KAZN: variants seen among roughly 807,000 people sequenced by gnomAD.
KAZN encodes the protein kazrin, periplakin interacting protein.
Under a neutral mutation model 87.4 loss-of-function variants are expected in KAZN, and 40 were observed. The ratio of observed to expected loss-of-function variants is 0.46; its 90% CI spans 0.36 to 0.60. The LOEUF is 0.60. Among genes scored for constraint, KAZN ranks in the 20% least tolerant of loss-of-function variants. The pLI is 0.00. For synonymous variants in KAZN, 466 were observed against 458.3 expected, an observed-to-expected ratio of 1.02 and a Z score of -0.22; for missense variants, 898 against 1,073.9, an observed-to-expected ratio of 0.84 and a Z score of 2.29.
intron 2 of KAZN, among the ~76,000 whole-genome samples, chr1:14,568,568 G>T (rs1674675846): frequency 6.6e-6 from 1 of 152,128 alleles, no homozygotes; most frequent in Non-Finnish European, 1.5e-5. Context: ...TCACTATCAT[G>T]AGAACAGCAC....
intron 1 of KAZN, among the ~76,000 whole-genome samples, chr1:14,624,424 G>GAA (rs374913141): frequency 1.5e-5 from 2 of 137,908 alleles, no homozygotes; most frequent in African/African-American, 5.3e-5. Context: ...TCCGTCTCAA[G>GAA]AAAAAAAAAA....
At chr1:14,865,985 C>A (rs1651408508) in intron 1 of KAZN, among the ~76,000 whole-genome samples, 1 of 152,150 alleles carries the variant, frequency 6.6e-6, no homozygotes, top group South Asian at 2.1e-4. Context: ...CTGCCGACAC[C>A]TCGATCCCAG....
intron 2 of KAZN, among the ~76,000 whole-genome samples, chr1:14,404,995 TTTATG>T (rs1663711952): frequency 6.6e-6 from 1 of 152,340 alleles, no homozygotes; most frequent in East Asian, 1.9e-4. Flanking sequence ...TTGTGCATTC[TTTATG>T]TTTTCTACAT....
Position 14,178,854 on chromosome 1 carries a change from C to A in KAZN, c.92-1581C>A, listed in dbSNP as rs77375934. ...TTTTAGTTACTTGCAGATCAGTTCA[C>A]CTCTTTCATGGCTTACTTTTAAGCT... On this transcript the variant is annotated intron_variant, in intron 1 of 16. Transcript: ENST00000636203. Among the ~76,000 whole-genome samples, 1,071 of 152,210 alleles carry A rather than the reference C, an allele frequency of 7.0e-3. 16 individuals carry two copies. Among genetic ancestry groups the A allele is most frequent in the African/African-American group, 0.024 (1,016 of 41,534 alleles).
intron 2 of KAZN, among the ~76,000 whole-genome samples, chr1:14,290,793 G>C (rs909266182): frequency 1.6e-4 from 25 of 152,284 alleles, no homozygotes; most frequent in Admixed American, 1.6e-3. Flanking sequence ...TTTCTGCTCT[G>C]GTTTCTCCCC....
chr1:13,984,711 T>G (rs1055251923), intron 1 of KAZN, among the ~76,000 whole-genome samples: 2 of 152,230 alleles, frequency 1.3e-5, no homozygotes, highest in Non-Finnish European at 2.9e-5. Flanking sequence ...GAGTTTGTCT[T>G]ATTTATATGT....
At chr1:14,649,855 A>G (rs1028683353) in intron 1 of KAZN, among the ~76,000 whole-genome samples, 6 of 152,112 alleles carry the variant, frequency 3.9e-5, no homozygotes, top group African/African-American at 1.4e-4. Flanking sequence ...TTTTTTATTT[A>G]TACTTTGTAA....
At chr1:14,749,297 C>G (rs1283960606) in intron 1 of KAZN, among the ~76,000 whole-genome samples, 2 of 152,170 alleles carry the variant, frequency 1.3e-5, no homozygotes, top group Non-Finnish European at 1.5e-5. Context: ...GTGGAAATCT[C>G]AATTCTGTTA....
At chr1:14,361,742 T>C (rs1659531899) in intron 2 of KAZN, among the ~76,000 whole-genome samples, 1 of 152,248 alleles carries the variant, frequency 6.6e-6, no homozygotes, top group African/African-American at 2.4e-5. Flanking sequence ...CCCAATAAGA[T>C]GAGCCAGGTA....
At chr1:14,210,209 A>T (rs1646826243) in intron 2 of KAZN, among the ~76,000 whole-genome samples, 2 of 152,052 alleles carry the variant, frequency 1.3e-5, no homozygotes, top group African/African-American at 4.8e-5. Context: ...TGTTCTTGTG[A>T]TGGTGAATAA....
chr1:14,706,088 G>A (rs932530713), intron 1 of KAZN, among the ~76,000 whole-genome samples: 5 of 152,282 alleles, frequency 3.3e-5, no homozygotes, highest in African/African-American at 1.2e-4. Flanking sequence ...CTTGTGAACT[G>A]TGCATGCAAG....
At chr1:14,288,305 G>C (rs1233620100) in intron 2 of KAZN, among the ~76,000 whole-genome samples, 1 of 152,098 alleles carries the variant, frequency 6.6e-6, no homozygotes, top group Non-Finnish European at 1.5e-5. Context: ...TATCCATCTG[G>C]TCCTGGACTT....
At chr1:14,228,749 G>A (rs1647526903) in intron 2 of KAZN, among the ~76,000 whole-genome samples, 1 of 152,210 alleles carries the variant, frequency 6.6e-6, no homozygotes, top group Non-Finnish European at 1.5e-5. Context: ...AGAAGGTGGA[G>A]CCTAGAAACA....
At chr1:14,832,895 C>T (rs1359703114) in intron 1 of KAZN, among the ~76,000 whole-genome samples, 1 of 152,182 alleles carries the variant, frequency 6.6e-6, no homozygotes, top group Admixed American at 6.5e-5. Context: ...GGAACCCAAG[C>T]GTGCTCATTC....
intron 1 of KAZN, among the ~76,000 whole-genome samples, chr1:14,169,011 G>A (rs753314435): frequency 7.9e-5 from 12 of 152,188 alleles, no homozygotes; most frequent in Non-Finnish European, 1.0e-4. Flanking sequence ...AAATAGCAGA[G>A]TTCATCTGTA....
intron 1 of KAZN, among the ~76,000 whole-genome samples, chr1:14,631,726 G>A (rs1375050948): frequency 6.6e-6 from 1 of 152,244 alleles, no homozygotes; most frequent in African/African-American, 2.4e-5. Flanking sequence ...CAGCTGCTGG[G>A]ATTTTTCCCA....
chr1:14,883,318 A>AGAGAGAGAGAGAGAGAGAGAGAGAG (rs1653557416), intron 1 of KAZN, among the ~76,000 whole-genome samples: 1 of 38,592 alleles, frequency 2.6e-5, no homozygotes, highest in Non-Finnish European at 5.4e-5. Flanking sequence ...GAAAGAAAGA[A>AGAGAGAGAGAGAGAGAGAGAGAGAG]AGAGAGAGAG....
At chr1:15,050,218 T>TAGAATAGAAC (rs1557757285) in intron 4 of KAZN, among the ~76,000 whole-genome samples, 5 of 147,882 alleles carry the variant, frequency 3.4e-5, no homozygotes, top group Admixed American at 1.4e-4. Context: ...TAGAATAGAA[T>TAGAATAGAAC]AGAACCTTCC....
chr1:14,855,374 A>G (rs1380686655), intron 1 of KAZN, among the ~76,000 whole-genome samples: 1 of 152,088 alleles, frequency 6.6e-6, no homozygotes, highest in African/African-American at 2.4e-5. Flanking sequence ...GCCTTTTGTC[A>G]TTTTTTTGTT....
Sources: allele counts gnomAD v4.1 joint callset (sites outside exome capture counted in the v4.1 genomes callset), GRCh38; gene constraint gnomAD v4.1.1; transcripts MANE v1.5; gene names NCBI Gene and HGNC (gene_info 2026-07-23, HGNC 2026-07-21).